ETV7: variants seen among roughly 807,000 people sequenced by gnomAD.
ETV7 encodes ETS variant transcription factor 7, also known as transcription factor ETV7.
Under a neutral mutation model 39.1 loss-of-function variants are expected in ETV7, and 43 were observed. That is an observed-to-expected ratio of 1.10 (90% CI 0.86 to 1.42). The LOEUF (loss-of-function observed/expected upper bound fraction) is 1.42. ETV7 is among the 40% of genes most tolerant of loss of function. ETV7 has a pLI of 0.00. For missense variants in ETV7, 432 were observed against 442.3 expected (o/e 0.98, Z 0.21); for synonymous variants, 196 against 176.6 (o/e 1.11, Z -0.87).
downstream of ETV7, among the ~76,000 whole-genome samples, chr6:36,363,845 C>G (rs529823045): frequency 8.0e-5 from 12 of 150,292 alleles, no homozygotes; most frequent in Admixed American, 3.3e-4. Flanking sequence ...TACAGAGTGT[C>G]GATTGGTGCA....
chr6:36,384,107 G>A (rs907907105), intron 2 of ETV7, among the ~76,000 whole-genome samples: 3 of 152,204 alleles, frequency 2.0e-5, no homozygotes, highest in Admixed American at 6.5e-5. Context: ...AGAGATCCCC[G>A]TGGTGCTAAC....
intron 7 of ETV7, among the ~76,000 whole-genome samples, chr6:36,360,328 T>A (rs376596916): frequency 1.2e-4 from 18 of 152,264 alleles, no homozygotes; most frequent in African/African-American, 4.1e-4. Flanking sequence ...GATAAAGTGA[T>A]CATAAGAAGA....
At chr6:36,380,395 C>G (rs1209028038) in intron 2 of ETV7, among the ~76,000 whole-genome samples, 1 of 152,216 alleles carries the variant, frequency 6.6e-6, no homozygotes, top group Non-Finnish European at 1.5e-5. Context: ...CCTCACTCTC[C>G]CGGCCCAGTG....
chr6:36,363,524 G>C (rs978760674), downstream of ETV7, among the ~76,000 whole-genome samples: 1 of 152,236 alleles, frequency 6.6e-6, no homozygotes, highest in Non-Finnish European at 1.5e-5. Context: ...TGAAGCTGCA[G>C]ATCTTCGCAC....
chr6:36,384,850 C>T (rs1773817257), intron 2 of ETV7, among the ~76,000 whole-genome samples: 2 of 152,132 alleles, frequency 1.3e-5, no homozygotes, highest in East Asian at 3.8e-4. Context: ...GGTCACATCA[C>T]TGCACTCCAG....
chr6:36,371,058 C>A (rs533047026), intron 5 of ETV7, among the ~76,000 whole-genome samples: 61 of 152,332 alleles, frequency 4.0e-4, no homozygotes, highest in Admixed American at 1.5e-3. Context: ...TTTTAAAAGG[C>A]AGGTGTGGCA....
intron 2 of ETV7, among the ~76,000 whole-genome samples, chr6:36,379,476 A>G (rs184493943): frequency 1.4e-4 from 21 of 152,084 alleles, no homozygotes; most frequent in Admixed American, 3.3e-4. Context: ...TGAGCCCAAG[A>G]GTTCACGGAT....
In ETV7 at chr6:36,366,883, G is replaced by A. The variant is rs778410787; in HGVS notation, c.900C>T (p.Leu300=). 3 of 1,613,876 alleles carry A rather than the reference G, an allele frequency of 1.9e-6. No homozygotes were observed. Among genetic ancestry groups the A allele is most frequent in the Admixed American group, 1.7e-5 (1 of 59,988 alleles). The change falls in exon 7 of 8, where the codon CTC becomes CTT. Residue 300 remains leucine, a synonymous_variant. Coordinates refer to ENST00000340181, the MANE Select transcript of ETV7 (RefSeq NM_016135.4). ...NIIKKEPGQK[L]LFRFLKTPGK... ...TCCCCTAGGCCACTCACCTGAACAG[G>A]AGTTTCTGCCCCGGTTCCTTCTTAA...
chr6:36,377,395 A>C (rs1037713267), intron 2 of ETV7, among the ~76,000 whole-genome samples: 2 of 152,166 alleles, frequency 1.3e-5, no homozygotes, highest in Non-Finnish European at 2.9e-5. Context: ...TGAGCCCGGG[A>C]GGTCACAGTG....
Position 36,385,576 on chromosome 6 carries a change from G to A in ETV7, c.100C>T (p.Leu34=). 1.2e-6 allele frequency: 2 copies of A among 1,614,286 alleles called. No homozygotes were observed. Among genetic ancestry groups the A allele is most frequent in the Non-Finnish European group, 1.7e-6 (2 of 1,180,052 alleles). Reference sequence around the variant, plus strand: ...TTGCAGATCCCCCCTTCACCCAGCAGGTTAATTTGAGCTTCACATCTGGCT... The same window carrying A: ...TTGCAGATCCCCCCTTCACCCAGCAAGTTAATTTGAGCTTCACATCTGGCT... The part of the protein sequence containing the change: ...VQARCEAQIN[L]LGEGGICKLP... The change falls in exon 2 of 8, where the codon CTG becomes TTG. Residue 34 remains leucine (L), a synonymous_variant. Transcript: ENST00000340181.
chr6:36,387,050 T>G, intron 1 of ETV7: 1 of 223,938 alleles, frequency 4.5e-6, no homozygotes, highest in Non-Finnish European at 9.1e-6. Flanking sequence ...ATAATGGGTA[T>G]GGGTCCTGGC....
At chr6:36,363,231 G>A (rs377641751), downstream of ETV7, among the ~76,000 whole-genome samples, 76 of 152,360 alleles carry the variant, frequency 5.0e-4, no homozygotes, top group Middle Eastern at 3.4e-3. Flanking sequence ...TGGCGCATCT[G>A]GAGTTTGTTC....
chr6:36,383,345 G>A (rs957930327), intron 2 of ETV7, among the ~76,000 whole-genome samples: 2 of 152,144 alleles, frequency 1.3e-5, no homozygotes, highest in South Asian at 2.1e-4. Context: ...TGGACATCAC[G>A]GTTGTCCTCA....
At chr6:36,362,025 G>A (rs544699792), downstream of ETV7, among the ~76,000 whole-genome samples, 132 of 152,356 alleles carry the variant, frequency 8.7e-4, 1 homozygote, top group South Asian at 0.025. Context: ...GTGGCCGGGC[G>A]CGGTGGCTCA....
At chr6:36,386,394 G>T (rs115121525) in intron 1 of ETV7, among the ~76,000 whole-genome samples, 3,311 of 152,226 alleles carry the variant, frequency 0.022, 107 homozygotes, top group African/African-American at 0.071. Context: ...GAATCCTAAG[G>T]TCTCACCACG....
At position 36,373,444 on chromosome 6, in the gene ETV7, C is replaced by T; in HGVS notation, c.433+9G>A. 1 of 1,546,740 alleles carries T rather than the reference C, an allele frequency of 6.5e-7. No individual in the cohort carries two copies. Among genetic ancestry groups the T allele is most frequent in the Non-Finnish European group, 8.7e-7 (1 of 1,151,170 alleles). ...GAGGTACTCCGAGCACCACAGAGAG[C>T]TTCCTCACCTTCCGGGGGGACTGGA... On this transcript the variant is annotated intron_variant, in intron 4 of 7. Transcript: ENST00000340181.
chr6:36,366,835 G>C (rs761585803), intron 7 of ETV7, 40 bp downstream of exon 7: 1 of 1,612,950 alleles, frequency 6.2e-7, no homozygotes, highest in Non-Finnish European at 8.5e-7. Context: ...CCCAACCCCA[G>C]TTCTGCTTCC....
chr6:36,385,558 TC>T lies in ETV7; in HGVS notation c.117del (p.Ile40SerfsTer43). On this transcript the variant is annotated frameshift_variant, in exon 2 of 8. Transcript: ENST00000340181. LOFTEE classifies it high-confidence loss of function. Reference sequence around the variant, plus strand: ...CGGAGTCTTCCTGGCAGCTTGCAGATCCCCCCTTCACCCAGCAGGTTAATTT... The same window carrying T: ...CGGAGTCTTCCTGGCAGCTTGCAGATCCCCCTTCACCCAGCAGGTTAATTT... Reference protein sequence around the residue: ...EAQINLLGEGGICKLPGRLRI... With the variant: ...EAQINLLGEGXICKLPGRLRI... 1 of 1,614,156 alleles carries T rather than the reference TC, an allele frequency of 6.2e-7. No individual in the cohort carries two copies. The highest frequency in any genetic ancestry group is 8.5e-7 in the Non-Finnish European group (1 of 1,180,032).
intron 3 of ETV7, 133 bp downstream of exon 3, chr6:36,375,738 T>A: frequency 7.0e-7 from 1 of 1,425,200 alleles, no homozygotes; most frequent in Non-Finnish European, 9.7e-7. Context: ...GAGGGGCATC[T>A]GCAGTGCTGG....
Sources: gnomAD v4.1 joint callset for allele counts (sites outside exome capture counted in the v4.1 genomes callset) on GRCh38, gnomAD v4.1.1 for gene constraint, MANE v1.5 for transcripts, NCBI Gene and HGNC (gene_info 2026-07-23, HGNC 2026-07-21) for gene names.